CIMIP7: variants seen among roughly 807,000 people sequenced by gnomAD.
CIMIP7 encodes the protein ciliary microtubule inner protein 7, also known as uncharacterized protein C3orf84.
At chr3:49,188,290 C>T in the CIMIP7 span, among the ~76,000 whole-genome samples, 1 of 152,208 alleles carries the variant, frequency 6.6e-6, no homozygotes, top group African/African-American at 2.4e-5. Context: ...ATCCAGATGG[C>T]AGATCAAGTA....
the CIMIP7 span, among the ~76,000 whole-genome samples, chr3:49,181,698 TCTCAA>T: frequency 7.2e-5 from 11 of 152,238 alleles, no homozygotes; most frequent in African/African-American, 1.2e-4. Flanking sequence ...TAAGGAAGTC[TCTCAA>T]CTCAACAGTA....
At chr3:49,180,069 T>TC in the CIMIP7 span, among the ~76,000 whole-genome samples, 1 of 152,156 alleles carries the variant, frequency 6.6e-6, no homozygotes, top group Non-Finnish European at 1.5e-5. Flanking sequence ...GGTCAGGAGT[T>TC]CGAGACCAAC....
the CIMIP7 span, chr3:49,177,977 G>C: frequency 8.1e-5 from 130 of 1,613,252 alleles, no homozygotes; most frequent in African/African-American, 1.5e-3. Flanking sequence ...GGTGCCCAGC[G>C]CAGGAAGGTG....
At chr3:49,191,836 A>G in the CIMIP7 span, 15 of 1,491,244 alleles carry the variant, frequency 1.0e-5, no homozygotes, top group Non-Finnish European at 1.4e-5. Flanking sequence ...TCTTCAGGAA[A>G]GAGAATCTCT....
chr3:49,181,666 T>A, the CIMIP7 span, among the ~76,000 whole-genome samples: 34 of 152,132 alleles, frequency 2.2e-4, no homozygotes, highest in Admixed American at 2.0e-3. Flanking sequence ...AAACCATATA[T>A]CCAACAGAGG....
the CIMIP7 span, among the ~76,000 whole-genome samples, chr3:49,179,057 C>T: frequency 6.6e-6 from 1 of 152,192 alleles, no homozygotes; most frequent in Non-Finnish European, 1.5e-5. Flanking sequence ...CATCTCCAAA[C>T]ATATGACTGA....
chr3:49,183,078 G>A, the CIMIP7 span, among the ~76,000 whole-genome samples: 1 of 152,212 alleles, frequency 6.6e-6, no homozygotes, highest in Non-Finnish European at 1.5e-5. Flanking sequence ...CGCAGCGGCG[G>A]GCTGAAGGGC....
At chr3:49,189,770 T>C in the CIMIP7 span, 1 of 608,026 alleles carries the variant, frequency 1.6e-6, no homozygotes, top group Non-Finnish European at 3.2e-6. Flanking sequence ...TCTTTGCCTG[T>C]AGCTACCCAC....
chr3:49,182,109 C>G, the CIMIP7 span, among the ~76,000 whole-genome samples: 1 of 152,172 alleles, frequency 6.6e-6, no homozygotes. Flanking sequence ...AGTGTTACAA[C>G]TCATAAAGGC....
the CIMIP7 span, chr3:49,191,738 C>T: frequency 6.3e-7 from 1 of 1,589,938 alleles, no homozygotes; most frequent in Non-Finnish European, 8.5e-7. Context: ...ATAAAGTGCA[C>T]TCTTACCCAG....
the CIMIP7 span, chr3:49,178,103 C>A: frequency 9.4e-6 from 14 of 1,489,448 alleles, no homozygotes; most frequent in East Asian, 3.3e-4. Context: ...CAAGCACCTT[C>A]TTGGGCCCCT....
At chr3:49,178,622 T>C in the CIMIP7 span, 13 of 1,234,032 alleles carry the variant, frequency 1.1e-5, no homozygotes, top group Non-Finnish European at 1.4e-5. Flanking sequence ...CTCAGGGTCC[T>C]TAATGGAGGG....
At chr3:49,190,184 C>T in the CIMIP7 span, 58 of 1,408,730 alleles carry the variant, frequency 4.1e-5, no homozygotes, top group Non-Finnish European at 4.6e-5. Flanking sequence ...AAATCTCCAC[C>T]ATGGATCCTA....
At chr3:49,182,766 G>C in the CIMIP7 span, among the ~76,000 whole-genome samples, 1 of 152,184 alleles carries the variant, frequency 6.6e-6, no homozygotes, top group East Asian at 1.9e-4. Flanking sequence ...GGGAGTGAAG[G>C]GGGAGGTTCA....
At chr3:49,179,747 A>G in the CIMIP7 span, among the ~76,000 whole-genome samples, 2 of 152,354 alleles carry the variant, frequency 1.3e-5, no homozygotes, top group South Asian at 2.1e-4. Context: ...GCCATTAAAC[A>G]TAAGCTGCTT....
chr3:49,182,810 C>G, the CIMIP7 span, among the ~76,000 whole-genome samples: 1 of 152,180 alleles, frequency 6.6e-6, no homozygotes, highest in Non-Finnish European at 1.5e-5. Flanking sequence ...AGCCCTGCCC[C>G]GCGGGAAGGC....
At chr3:49,183,958 AAAAATAGCCAG>A in the CIMIP7 span, among the ~76,000 whole-genome samples, 2 of 152,260 alleles carry the variant, frequency 1.3e-5, no homozygotes, top group South Asian at 4.1e-4. Context: ...ATTATGCTGC[AAAAATAGCCAG>A]TCTCCAAAGG....
At chr3:49,190,676 T>TC in the CIMIP7 span, among the ~76,000 whole-genome samples, 1 of 145,406 alleles carries the variant, frequency 6.9e-6, no homozygotes, top group Non-Finnish European at 1.5e-5. Context: ...TTTTTTTTTT[T>TC]TTTTTTTTTT....
At chr3:49,186,488 C>T in the CIMIP7 span, among the ~76,000 whole-genome samples, 1 of 151,764 alleles carries the variant, frequency 6.6e-6, no homozygotes, top group African/African-American at 2.4e-5. Context: ...ACTGCAACCT[C>T]CGCCTCCCGG....
Sources: gnomAD v4.1 joint callset for allele counts (sites outside exome capture counted in the v4.1 genomes callset) on GRCh38, gnomAD v4.1.1 for gene constraint, MANE v1.5 for transcripts, NCBI Gene and HGNC (gene_info 2026-07-23, HGNC 2026-07-21) for gene names.